Variants in ARHGEF7 observed in about 807,000 individuals in gnomAD.
The protein encoded by ARHGEF7 is Rho guanine nucleotide exchange factor 7, also known as PAK-interacting exchange factor beta.
Under a neutral mutation model 109.8 loss-of-function variants are expected in ARHGEF7, and 33 were observed. The observed-to-expected ratio is 0.30, with a 90% CI of 0.23 to 0.40. The LOEUF (loss-of-function observed/expected upper bound fraction) is 0.40, where lower values mean the gene tolerates loss of function less well. Ranked by LOEUF, ARHGEF7 falls within the 10% of genes least tolerant of loss-of-function variation. ARHGEF7 has a pLI of 1.00. For synonymous variants in ARHGEF7, 458 were observed against 424.6 expected, an observed-to-expected ratio of 1.08 and a Z score of -0.97; for missense variants, 938 against 1,098.5, an observed-to-expected ratio of 0.85 and a Z score of 2.07.
chr13:111,207,214 G>A (rs191897629), intron 3 of ARHGEF7, among the ~76,000 whole-genome samples: 4 of 152,128 alleles, frequency 2.6e-5, no homozygotes, highest in Admixed American at 2.0e-4. Flanking sequence ...TGTCGTCCAC[G>A]CTGGAACACA....
chr13:111,132,976 A>C (rs1027686095), intron 1 of ARHGEF7, among the ~76,000 whole-genome samples: 21 of 152,218 alleles, frequency 1.4e-4, no homozygotes, highest in African/African-American at 4.6e-4. Flanking sequence ...GCATCTGTAC[A>C]CACATGTATA....
At chr13:111,271,122 G>A (rs1247440028) in intron 9 of ARHGEF7, among the ~76,000 whole-genome samples, 1 of 152,166 alleles carries the variant, frequency 6.6e-6, no homozygotes, top group Non-Finnish European at 1.5e-5. Flanking sequence ...AAAATTGTAG[G>A]TCTGCCCCAC....
chr13:111,180,889 A>G (rs909219706), intron 2 of ARHGEF7, among the ~76,000 whole-genome samples: 1 of 152,228 alleles, frequency 6.6e-6, no homozygotes, highest in Admixed American at 6.5e-5. Flanking sequence ...GCATCATGCA[A>G]CTGGAAGGAC....
intron 2 of ARHGEF7, among the ~76,000 whole-genome samples, chr13:111,191,465 G>T (rs939150413): frequency 2.6e-5 from 4 of 152,198 alleles, no homozygotes; most frequent in Non-Finnish European, 4.4e-5. Context: ...GGTCTTATCA[G>T]AGATGGGGAA....
chr13:111,223,692 G>A (rs545859727), intron 5 of ARHGEF7, among the ~76,000 whole-genome samples: 4 of 152,238 alleles, frequency 2.6e-5, no homozygotes, highest in South Asian at 2.1e-4. Flanking sequence ...CAGATAAAAT[G>A]TTCTAGGATT....
rs1271930029 is a variant in ARHGEF7 at position 111,266,027 on chromosome 13, C to T, written c.951-1521C>T. 2.0e-5 allele frequency among the ~76,000 whole-genome samples: 3 copies of T among 152,188 alleles called. No individual in the cohort carries two copies. Among genetic ancestry groups the T allele is most frequent in the Non-Finnish European group, 2.9e-5 (2 of 68,024 alleles). Reference sequence around the variant, plus strand: ...TAGGCCTGGACCTTAGACCCAGGCTCCAGCCACCTTTGTGTTGGATGCTGA... The same window carrying T: ...TAGGCCTGGACCTTAGACCCAGGCTTCAGCCACCTTTGTGTTGGATGCTGA... On this transcript the variant is annotated intron_variant, in intron 8 of 21. Transcript: ENST00000646102. This position sits in a 1 kb window ranked among gnomAD's most constrained non-coding sequence, Gnocchi z 4.8.
intron 1 of ARHGEF7, among the ~76,000 whole-genome samples, chr13:111,123,642 T>C (rs1271843930): frequency 6.6e-6 from 1 of 152,258 alleles, no homozygotes; most frequent in Non-Finnish European, 1.5e-5. Context: ...ATTTTCTCTA[T>C]TCTCATTTTT....
At chr13:111,293,201 G>A (rs1265192231) in intron 19 of ARHGEF7, 1 of 985,234 alleles carries the variant, frequency 1.0e-6, no homozygotes, top group East Asian at 1.1e-4. Flanking sequence ...TGTAGTAGAG[G>A]CATTTGGAAT....
At chr13:111,177,260 G>A (rs1376538502) in intron 2 of ARHGEF7, among the ~76,000 whole-genome samples, 1 of 152,246 alleles carries the variant, frequency 6.6e-6, no homozygotes, top group African/African-American at 2.4e-5. Context: ...GGCTGGGCCT[G>A]TTGTGATGCA....
At chr13:111,223,108 A>T (rs1409453014) in intron 5 of ARHGEF7, among the ~76,000 whole-genome samples, 1 of 152,256 alleles carries the variant, frequency 6.6e-6, no homozygotes, top group African/African-American at 2.4e-5. Context: ...GTATATATAC[A>T]GAGATATAGC....
At position 111,215,647 on chromosome 13, in the gene ARHGEF7, G is replaced by C. The variant is rs182839463; in HGVS notation, c.469-2032G>C. On this transcript the variant is annotated intron_variant, in intron 4 of 21. Transcript: ENST00000646102. The stretch of plus-strand genomic sequence containing the variant: ...GAGAATTAGTAATTCTCGTTTCTTT[G>C]TTTAGTTTTCTGTGTATGTTTTGCA... Among the ~76,000 whole-genome samples, 44 of 152,286 alleles carry C rather than the reference G, an allele frequency of 2.9e-4. 1 individual carries two copies.
chr13:111,168,197 G>A (rs2077284614), intron 2 of ARHGEF7, among the ~76,000 whole-genome samples: 3 of 152,176 alleles, frequency 2.0e-5, no homozygotes, highest in Admixed American at 2.0e-4. Context: ...GGTGGAAGGT[G>A]CTAGCCCTCC....
chr13:111,257,202 T>C (rs1469236591), intron 8 of ARHGEF7, among the ~76,000 whole-genome samples: 1 of 152,234 alleles, frequency 6.6e-6, no homozygotes, highest in African/African-American at 2.4e-5. Context: ...GCTTATCTTC[T>C]TACTAAAATC....
At chr13:111,121,558 C>T (rs1373276063) in intron 1 of ARHGEF7, among the ~76,000 whole-genome samples, 1 of 152,072 alleles carries the variant, frequency 6.6e-6, no homozygotes, top group Non-Finnish European at 1.5e-5. Context: ...TGGATTTTAG[C>T]CGTTTGGATT....
chr13:111,299,331 C>T (rs2153634740), intron 19 of ARHGEF7, among the ~76,000 whole-genome samples: 1 of 148,556 alleles, frequency 6.7e-6, no homozygotes, highest in Admixed American at 7.1e-5. Flanking sequence ...GCTGGTGAAG[C>T]CATTCATTTT....
chr13:111,278,463 C>T (rs957253181), intron 13 of ARHGEF7, among the ~76,000 whole-genome samples: 6 of 152,144 alleles, frequency 3.9e-5, no homozygotes, highest in Admixed American at 2.6e-4. Flanking sequence ...TTTGTGTTGG[C>T]GCAGCAAGGA....
At chr13:111,158,847 A>G (rs573643619) in intron 2 of ARHGEF7, among the ~76,000 whole-genome samples, 39 of 152,344 alleles carry the variant, frequency 2.6e-4, no homozygotes, top group Admixed American at 5.2e-4. Flanking sequence ...GTTACCTCAC[A>G]TACTTCTTAT....
Position 111,115,354 on chromosome 13 carries a change from G to A in ARHGEF7, c.-173G>A, listed in dbSNP as rs1291631164. On this transcript the variant is annotated 5_prime_UTR_variant, in exon 1 of 22. Coordinates refer to ENST00000646102, the MANE Select transcript of ARHGEF7 (RefSeq NM_001354046.2). The stretch of plus-strand genomic sequence containing the variant: ...CTGAGAAGGCGCCTGACAGCGGGCC[G>A]GGGCGCACGGAGAAGCGGGCCGGGC... The A allele has an allele frequency of 7.5e-6, 2 of 266,518 alleles. No homozygotes were observed. Among genetic ancestry groups the A allele is most frequent in the African/African-American group, 2.3e-5 (1 of 43,014 alleles). 16.5% of individuals were successfully genotyped at this position (266,518 alleles called of 1,614,324 possible).
At chr13:111,230,046 G>A (rs568252393) in intron 5 of ARHGEF7, among the ~76,000 whole-genome samples, 127 of 152,252 alleles carry the variant, frequency 8.3e-4, no homozygotes, top group African/African-American at 3.0e-3. Context: ...GCTGGAGCCT[G>A]GAGACAGGTG....
Sources: gnomAD v4.1 joint callset for allele counts (sites outside exome capture counted in the v4.1 genomes callset) on GRCh38, gnomAD v4.1.1 for gene constraint, Gnocchi (gnomAD v3.1) non-coding constraint, MANE v1.5 for transcripts, NCBI Gene and HGNC (gene_info 2026-07-23, HGNC 2026-07-21) for gene names.